Variants in CAST observed in about 807,000 individuals in gnomAD.
The protein encoded by CAST is calpastatin, also known as MIR583 host.
A neutral mutation model predicts 119.6 loss-of-function variants in CAST; 76 were observed. The observed-to-expected ratio is 0.64, with a 90% CI of 0.53 to 0.77. The LOEUF is 0.77. CAST is among the 30% of genes least tolerant of loss of function. The pLI is 0.00. For missense variants in CAST, 953 were observed against 946.5 expected, an observed-to-expected ratio of 1.01 and a Z score of -0.09; for synonymous variants, 319 against 331.6, an observed-to-expected ratio of 0.96 and a Z score of 0.41.
At chr5:96,035,171 T>TAC in the CAST span, among the ~76,000 whole-genome samples, 1 of 141,510 alleles carries the variant, frequency 7.1e-6, no homozygotes, top group African/African-American at 2.6e-5. Flanking sequence ...AAATATATAT[T>TAC]TTGAAGTATA....
intron 2 of CAST, among the ~76,000 whole-genome samples, chr5:96,695,201 T>C (rs1561481306): frequency 6.6e-6 from 1 of 152,206 alleles, no homozygotes; most frequent in Non-Finnish European, 1.5e-5. Context: ...TTTATATTGG[T>C]TTATCTTGTT....
the CAST span, among the ~76,000 whole-genome samples, chr5:96,049,313 G>A: frequency 9.9e-5 from 15 of 152,112 alleles, no homozygotes; most frequent in East Asian, 2.9e-3. Context: ...TTCCTTTTTG[G>A]GTCTCATTTA....
the CAST span, among the ~76,000 whole-genome samples, chr5:96,246,876 C>T: frequency 9.9e-5 from 15 of 152,222 alleles, no homozygotes; most frequent in African/African-American, 2.6e-4. Context: ...TTCTAGAAAA[C>T]GGGAATTAAC....
At chr5:96,073,622 C>T in the CAST span, among the ~76,000 whole-genome samples, 4 of 152,110 alleles carry the variant, frequency 2.6e-5, no homozygotes, top group Non-Finnish European at 5.9e-5. Flanking sequence ...GGTCATCAGA[C>T]ATTAGTTAGA....
chr5:96,331,889 A>G, the CAST span, among the ~76,000 whole-genome samples: 5 of 152,214 alleles, frequency 3.3e-5, no homozygotes, highest in African/African-American at 7.2e-5. Flanking sequence ...GAGAGGAAAG[A>G]TGGGGATATA....
At chr5:96,651,129 A>T (rs2150205011) in intron 1 of CAST, among the ~76,000 whole-genome samples, 1 of 152,286 alleles carries the variant, frequency 6.6e-6, no homozygotes, top group Non-Finnish European at 1.5e-5. Context: ...TAGGGAAATG[A>T]TGCTGCCGAT....
chr5:96,171,617 G>T, the CAST span, among the ~76,000 whole-genome samples: 2 of 152,226 alleles, frequency 1.3e-5, no homozygotes, highest in Non-Finnish European at 2.9e-5. Flanking sequence ...TCCCAAGTCC[G>T]TGACCAGCGC....
At chr5:96,478,728 A>T in the CAST span, among the ~76,000 whole-genome samples, 1 of 152,240 alleles carries the variant, frequency 6.6e-6, no homozygotes. Flanking sequence ...CCTAATGAGA[A>T]GTATTTACCA....
the CAST span, among the ~76,000 whole-genome samples, chr5:95,996,693 T>C: frequency 1.3e-5 from 2 of 152,172 alleles, no homozygotes; most frequent in Admixed American, 6.6e-5. Context: ...TAATCACCTG[T>C]AAACCTGTTA....
At chr5:96,667,723 G>C (rs1165344721) in intron 1 of CAST, among the ~76,000 whole-genome samples, 1 of 93,780 alleles carries the variant, frequency 1.1e-5, no homozygotes, top group Non-Finnish European at 2.1e-5. Flanking sequence ...TAAGAGAAGA[G>C]TATAATGAGG....
the CAST span, among the ~76,000 whole-genome samples, chr5:96,018,780 T>G: frequency 1.3e-5 from 2 of 152,218 alleles, no homozygotes; most frequent in African/African-American, 4.8e-5. Context: ...TGATGTTTTT[T>G]AAAAGAAAGA....
intron 8 of CAST, among the ~76,000 whole-genome samples, 158 bp downstream of exon 8, chr5:96,729,883 A>C (rs1760095575): frequency 6.6e-6 from 1 of 152,194 alleles, no homozygotes; most frequent in Non-Finnish European, 1.5e-5. Context: ...GGTTTTTCAA[A>C]TAGACTTGTA....
chr5:96,443,175 A>AT, the CAST span, among the ~76,000 whole-genome samples: 1 of 152,210 alleles, frequency 6.6e-6, no homozygotes, highest in South Asian at 2.1e-4. Context: ...TTGCTCATGC[A>AT]TACATCTGTA....
chr5:96,370,272 T>A, the CAST span, among the ~76,000 whole-genome samples: 1 of 152,006 alleles, frequency 6.6e-6, no homozygotes, highest in African/African-American at 2.4e-5. Flanking sequence ...GGACCAGAAT[T>A]TTGTATGTAC....
At chr5:96,584,366 G>A (rs1386426896) in intron 1 of CAST, 1 of 152,234 alleles carries the variant, frequency 6.6e-6, no homozygotes, top group African/African-American at 2.4e-5. Flanking sequence ...CCAGGGATCA[G>A]TATCGGTCCA....
chr5:96,401,598 T>A, the CAST span, among the ~76,000 whole-genome samples: 7 of 152,248 alleles, frequency 4.6e-5, no homozygotes, highest in Non-Finnish European at 1.5e-5. Context: ...TATACTATGA[T>A]GAGGCCTTCC....
At chr5:96,160,266 C>T in the CAST span, among the ~76,000 whole-genome samples, 1 of 152,154 alleles carries the variant, frequency 6.6e-6, no homozygotes, top group East Asian at 1.9e-4. Flanking sequence ...CAGTCACTCT[C>T]CATTCCCCTC....
At chr5:96,555,983 A>ACCATGTGACACCTCACCCAGC (rs1473147195) in intron 1 of CAST, among the ~76,000 whole-genome samples, 13 of 152,366 alleles carry the variant, frequency 8.5e-5, no homozygotes, top group Non-Finnish European at 1.3e-4. Flanking sequence ...CTGACACCTC[A>ACCATGTGACACCTCACCCAGC]CATGGCTGGG....
chr5:96,134,061 A>G, the CAST span, among the ~76,000 whole-genome samples: 1 of 152,254 alleles, frequency 6.6e-6, no homozygotes. Flanking sequence ...CTCCGTTTCT[A>G]CAGTGAGGGA....
Sources: allele counts gnomAD v4.1 joint callset (sites outside exome capture counted in the v4.1 genomes callset), GRCh38; gene constraint gnomAD v4.1.1; transcripts MANE v1.5; gene names NCBI Gene and HGNC (gene_info 2026-07-23, HGNC 2026-07-21).